The following POLG variants were observed in gnomAD, a reference collection of about 807,000 sequenced individuals.
POLG encodes the protein DNA polymerase subunit gamma-1.
In POLG, 110 loss-of-function variants were observed where a neutral mutation model predicts 155.4. The ratio of observed to expected loss-of-function variants is 0.71; its 90% CI spans 0.61 to 0.83. The LOEUF is 0.83. Among genes scored for constraint, POLG ranks in the 40% least tolerant of loss-of-function variants. The probability of loss-of-function intolerance (pLI) is 0.00; values close to 1 mark genes in which losing one functional copy is unlikely to be tolerated. For missense variants in POLG, 1,685 were observed against 1,627.5 expected, an observed-to-expected ratio of 1.04 and a Z score of -0.61; for synonymous variants, 701 against 631.5, an observed-to-expected ratio of 1.11 and a Z score of -1.65.
chr15:89,322,008 T>A lies in POLG; in HGVS notation c.2434A>T (p.Met812Leu). 1.2e-6 allele frequency: 2 copies of A among 1,614,082 alleles called. No homozygotes were observed. The highest frequency in any genetic ancestry group is 1.7e-6 in the Non-Finnish European group (2 of 1,179,946). ...GCTGACCTGGGCAGCCACACCACCA[T>A]CTGGGAGCTGTGGGGACAGACAACG... is the stretch of plus-strand genomic sequence containing the variant. ...RNAHKRISSQ[M>L]VVWLPRSALP... Residue 812 changes from methionine to leucine, a missense_variant, in exon 15 of 23, where the codon ATG becomes TTG. By Grantham distance (15) the Met-to-Leu change is conservative. Coordinates refer to ENST00000268124, the MANE Select transcript of POLG (RefSeq NM_002693.3).
chr15:89,332,817 T>C lies in POLG; in HGVS notation c.659+279A>G, dbSNP rs150164063. On this transcript the variant is annotated intron_variant, in intron 2 of 22. Transcript: ENST00000268124. ...GGGTAAAGGCACCAAATCACCGTGA[T>C]CTTAAGTGGCCTCCCGAAGGTCTCA... Among the ~76,000 whole-genome samples the C allele has an allele frequency of 4.9e-3, 742 of 152,248 alleles. 18 individuals carry two copies. The highest frequency in any genetic ancestry group is 0.039 in the Admixed American group (602 of 15,300).
intron 10 of POLG, among the ~76,000 whole-genome samples, chr15:89,325,115 TGAGTGAGTGAGTGAGAGAGTGAGTGAGA>T (rs2055471710): frequency 1.4e-4 from 4 of 29,258 alleles, no homozygotes; most frequent in African/African-American, 7.9e-4. Context: ...TGAGAGAGAG[TGAGTGAGTGAGTGAGAGAGTGAGTGAGA>T]GAGTGAGTGA....
At position 89,321,984 on chromosome 15, in the gene POLG, C is replaced by A; in HGVS notation, c.2458G>T (p.Ala820Ser). The A allele has an allele frequency of 6.2e-7, 1 of 1,614,184 alleles. No individual in the cohort carries two copies. The highest frequency in any genetic ancestry group is 8.5e-7 in the Non-Finnish European group (1 of 1,180,018). ...TACCTGATCACAGCACGGGGCAGAG[C>A]TGACCTGGGCAGCCACACCACCATC... ...SQMVVWLPRSALPRAVIRHPD... is the reference protein window; with the variant it reads ...SQMVVWLPRSSLPRAVIRHPD... The change falls in exon 15 of 23, where the codon GCT becomes TCT. Residue 820 changes from alanine (A) to serine (S), a missense_variant. Ala to Ser is a moderately conservative substitution (Grantham distance 99). Transcript: ENST00000268124.
At chr15:89,326,469 T>C (rs189753833) in intron 9 of POLG, 143 bp downstream of exon 9, 13 of 923,474 alleles carry the variant, frequency 1.4e-5, no homozygotes, top group African/African-American at 9.7e-5. Context: ...AGAATAGGAC[T>C]GGAAGACAGT....
rs1248903320 is a variant in POLG, at chr15:89,328,960, C to T, written c.1006G>A (p.Ala336Thr). 6.2e-7 allele frequency: 1 copy of T among 1,614,078 alleles called. No homozygotes were observed. The highest frequency in any genetic ancestry group is 8.5e-7 in the Non-Finnish European group (1 of 1,180,050). ...TKQGQKSQRK[A>T]RRGPAISSWD... ...GCTCTCACCGCTGGGCCTCTTCTGG[C>T]TTTCCTCTGGGACTTCTGGCCTTGC... The change falls in exon 4 of 23, where the codon GCC becomes ACC. Residue 336 changes from alanine to threonine, a missense_variant. Around this residue, in one of 3 missense-constraint regions of POLG, gnomAD observed 1,210 missense variants for 1,167.1 expected, o/e 1.04. Transcript: ENST00000268124.
Position 89,316,466 on chromosome 15 carries a change from T to A in POLG, c.*285A>T. On this transcript the variant is annotated 3_prime_UTR_variant, in exon 23 of 23. Transcript: ENST00000268124. Reference sequence around the variant, plus strand: ...GAAGAAAAGGAAAAAATAAATGAAATGCCTGAGTTAATGTGAACTTTGGGG... The same window carrying A: ...GAAGAAAAGGAAAAAATAAATGAAAAGCCTGAGTTAATGTGAACTTTGGGG... 1 of 1,606,882 alleles carries A rather than the reference T, an allele frequency of 6.2e-7. No homozygotes were observed. Among genetic ancestry groups the A allele is most frequent in the South Asian group, 1.1e-5 (1 of 89,908 alleles).
rs1400355912 is a variant in POLG at position 89,325,267 on chromosome 15, TGAGTGAGA to T, written c.1949+175_1949+182del. Reference sequence around the variant, plus strand: ...GTGAGTGAGAGAGAGAGTGAGTGAGTGAGTGAGAGAGAGAGAAAGAGAGAGAGAGAGGG... The same window carrying T: ...GTGAGTGAGAGAGAGAGTGAGTGAGTGAGAGAGAAAGAGAGAGAGAGAGGG... On this transcript the variant is annotated intron_variant, in intron 10 of 22. Transcript: ENST00000268124. Among the ~76,000 whole-genome samples, 42 of 106,462 alleles carry T rather than the reference TGAGTGAGA, an allele frequency of 3.9e-4. 13 individuals carry two copies. The highest frequency in any genetic ancestry group is 1.2e-3 in the African/African-American group (24 of 19,598). The allele number at this position is 106,462 out of a possible 152,430, so 69.8% of individuals were successfully genotyped here.
intron 14 of POLG, 128 bp downstream of exon 14, chr15:89,322,614 G>A (rs2055412574): frequency 1.0e-6 from 1 of 993,362 alleles, no homozygotes; most frequent in Non-Finnish European, 1.6e-6. Flanking sequence ...ATGGCACCAG[G>A]ACCAAAAGTA....
At chr15:89,325,123 TGAGTGAGA>T (rs1353735233) in intron 10 of POLG, among the ~76,000 whole-genome samples, 533 of 39,286 alleles carry the variant, frequency 0.014, 94 homozygotes, top group East Asian at 0.13. Flanking sequence ...AGTGAGTGAG[TGAGTGAGA>T]GAGTGAGTGA....
At chr15:89,324,061 C>G (rs1232694614) in intron 11 of POLG, 46 bp downstream of exon 11, 1 of 1,613,240 alleles carries the variant, frequency 6.2e-7, no homozygotes, top group East Asian at 2.2e-5. Flanking sequence ...GGGTGGAATA[C>G]AGAGACCTCC....
rs757917194 is a variant in POLG at position 89,330,207 on chromosome 15, G to A, written c.729C>T (p.Asp243=). 1.9e-6 allele frequency: 3 copies of A among 1,613,582 alleles called. No homozygotes were observed. Among genetic ancestry groups the A allele is most frequent in the Non-Finnish European group, 2.5e-6 (3 of 1,179,966 alleles). The change falls in exon 3 of 23, where the codon GAC becomes GAT. Residue 243 remains aspartate (D), a synonymous_variant. Coordinates refer to ENST00000268124, the MANE Select transcript of POLG (RefSeq NM_002693.3). ...YSWTSQLSPA[D]LIPLEVPTGA... ...CAGTAGGGACCTCCAGGGGGATGAG[G>A]TCAGCCGGCGACAGCTGGCTGGTCC...
At chr15:89,329,970 G>A in intron 3 of POLG, 111 bp downstream of exon 3, 1 of 946,372 alleles carries the variant, frequency 1.1e-6, no homozygotes, top group Admixed American at 1.8e-5. Flanking sequence ...TGCGGCTTCA[G>A]CAAAGGCAAC....
Position 89,321,141 on chromosome 15 carries a change from G to A in POLG, c.2718C>T (p.His906=). Residue 906 remains histidine, a synonymous_variant, in exon 17 of 23, where the codon CAC becomes CAT. Transcript: ENST00000268124. ...LWIAAVLGDA[H]FAGMHGCTAF... is the part of the protein sequence containing the mutation. ...CCTGCTCACCATGCATGCCGGCAAA[G>A]TGGGCGTCTCCAAGCACAGCTGCAA... 5.6e-6 allele frequency: 9 copies of A among 1,614,252 alleles called. No individual in the cohort carries two copies. Among genetic ancestry groups the A allele is most frequent in the Non-Finnish European group, 7.6e-6 (9 of 1,180,046 alleles).
In POLG at chr15:89,332,928, A is replaced by C. The variant is rs146245228; in HGVS notation, c.659+168T>G. ...TTTGCTTACTGCCTGTGATCTTCCCACCAGAAAGTGAGTCCCACATAAACA... is the reference window on the plus strand; with the variant it reads ...TTTGCTTACTGCCTGTGATCTTCCCCCCAGAAAGTGAGTCCCACATAAACA... On this transcript the variant is annotated intron_variant, in intron 2 of 22. Transcript: ENST00000268124. Among the ~76,000 whole-genome samples, 531 of 152,236 alleles carry C rather than the reference A, an allele frequency of 3.5e-3. 2 individuals carry two copies. Among genetic ancestry groups the C allele is most frequent in the Admixed American group, 6.4e-3 (98 of 15,292 alleles).
intron 2 of POLG, among the ~76,000 whole-genome samples, chr15:89,330,995 C>CT (rs1479608640): frequency 6.6e-6 from 1 of 152,158 alleles, no homozygotes; most frequent in Non-Finnish European, 1.5e-5. Flanking sequence ...ATCCACAAGG[C>CT]TAGGTGTAGG....
At chr15:89,325,099 AGAGAGTGAGAGAGAGT>A (rs2055467456) in intron 10 of POLG, among the ~76,000 whole-genome samples, 3 of 80,386 alleles carry the variant, frequency 3.7e-5, no homozygotes, top group South Asian at 4.2e-4. Context: ...TGAGTGAGTG[AGAGAGTGAGAGAGAGT>A]GAGTGAGTGA....
chr15:89,322,648 G>C, intron 14 of POLG, 94 bp downstream of exon 14: 1 of 1,381,140 alleles, frequency 7.2e-7, no homozygotes, highest in South Asian at 1.2e-5. Context: ...ACCATAGTCA[G>C]GCTGGCCCTC....
chr15:89,325,049 TGAGTGAGA>T lies in POLG; in HGVS notation c.1949+393_1949+400del, dbSNP rs1409872278. On this transcript the variant is annotated intron_variant, in intron 10 of 22. Coordinates refer to ENST00000268124, the MANE Select transcript of POLG (RefSeq NM_002693.3). The stretch of plus-strand genomic sequence containing the variant: ...AACCTGAACCCAGAGAGTGAGTGAG[TGAGTGAGA>T]GAGTGAGTGAGTGAGTGAGTGAGTG... Among the ~76,000 whole-genome samples the T allele has an allele frequency of 1.7e-3, 197 of 113,076 alleles. 14 individuals are homozygous for T. The highest frequency in any genetic ancestry group is 0.011 in the African/African-American group (174 of 16,198). 74.2% of individuals were successfully genotyped at this position (113,076 alleles called of 152,430 possible). A position where few individuals can be genotyped will look rare whatever the true frequency, so the allele number is the denominator to read the frequency against.
chr15:89,333,593 C>CTGT lies in POLG; in HGVS notation c.159_161dup (p.Gln55dup), dbSNP rs768088414. The CTGT allele has an allele frequency of 2.1e-5, 33 of 1,602,936 alleles. No individual in the cohort carries two copies. The Middle Eastern group carries it at 5.0e-4, about 24-fold the overall frequency. Reference sequence around the variant, plus strand: ...ATAGCACTTGCGGCTGCTGAGGCTGCTGTTGCTGCTGCTGCTGCTGCTGCT... The same window carrying CTGT: ...ATAGCACTTGCGGCTGCTGAGGCTGCTGTTGTTGCTGCTGCTGCTGCTGCTGCT... On this transcript the variant is annotated inframe_insertion, in exon 2 of 23. Transcript: ENST00000268124.
Sources: allele counts gnomAD v4.1 joint callset (sites outside exome capture counted in the v4.1 genomes callset), GRCh38; gene constraint gnomAD v4.1.1; regional missense constraint gnomAD v4.1.1; transcripts MANE v1.5; gene names NCBI Gene and HGNC (gene_info 2026-07-23, HGNC 2026-07-21).